LY75: variants seen among roughly 807,000 people sequenced by gnomAD.
The protein encoded by LY75 is C-type lectin domain family 13 member B.
Under a neutral mutation model 231.7 loss-of-function variants are expected in LY75, and 185 were observed. The observed-to-expected ratio is 0.80, with a 90% CI of 0.71 to 0.90. LY75 has a LOEUF of 0.90. LY75 is among the 40% of genes least tolerant of loss of function. The pLI is 0.00. For missense variants in LY75, 1,947 were observed against 2,050.2 expected, an observed-to-expected ratio of 0.95 and a Z score of 0.97; for synonymous variants, 668 against 689.0, an observed-to-expected ratio of 0.97 and a Z score of 0.48.
chr2:159,832,668 G>GT (rs920485974), intron 27 of LY75, among the ~76,000 whole-genome samples: 1 of 152,224 alleles, frequency 6.6e-6, no homozygotes, highest in African/African-American at 2.4e-5. Flanking sequence ...GTTTATGCCA[G>GT]TATTTCTTAA....
intron 25 of LY75, 125 bp downstream of exon 25, chr2:159,840,604 T>G: frequency 2.0e-5 from 28 of 1,412,244 alleles, no homozygotes; most frequent in East Asian, 7.4e-5. Context: ...ACATATTCCA[T>G]GAAATTTACT....
rs764790066 is a variant in LY75, at chr2:159,853,658, C to T, written c.2635G>A (p.Glu879Lys). The T allele has an allele frequency of 1.7e-5, 28 of 1,613,340 alleles. No homozygotes were observed. Among genetic ancestry groups the T allele is most frequent in the Middle Eastern group, 1.6e-4 (1 of 6,078 alleles). ...DGQKWWIRIS[E>K]WPIDDHFTYS... ...GTAAAATGATCATCTATTGGCCACT[C>T]GCTAATTCTTATCCACCACTTCTGT... Residue 879 changes from glutamate (E) to lysine (K), a missense_variant, in exon 19 of 35, where the codon GAG (glutamate) becomes AAG (lysine). Transcript: ENST00000263636.
At chr2:159,875,773 AG>A in intron 11 of LY75, 130 bp from the exon 12 acceptor site, 1 of 1,124,748 alleles carries the variant, frequency 8.9e-7, no homozygotes, top group Non-Finnish European at 1.2e-6. Flanking sequence ...AAGAGAGGAA[AG>A]AAATATGTTG....
rs186146985 is a variant in LY75, at chr2:159,885,054, G to A, written c.1054+99C>T. The A allele has an allele frequency of 2.3e-5, 35 of 1,496,824 alleles. No individual in the cohort carries two copies. In the African/African-American group the frequency reaches 3.9e-4, roughly 16 times the overall value. The allele number at this position is 1,496,824 out of a possible 1,614,324, so 92.7% of individuals were successfully genotyped here. ...TCTGTACTGTCAGTATCAGGAGAAG[G>A]AAAGGTGGAAACGGATGTTGGAAAA... On this transcript the variant is annotated intron_variant, in intron 6 of 34. Transcript: ENST00000263636.
In LY75 at chr2:159,858,399, A is replaced by T. The variant is rs770410276; in HGVS notation, c.2346T>A (p.Cys782Ter). 3.1e-6 allele frequency: 5 copies of T among 1,613,768 alleles called. No homozygotes were observed. In the Admixed American group the frequency reaches 8.3e-5, roughly 27 times the overall value. The change falls in exon 16 of 35, where the codon TGT (cysteine) becomes TGA (stop). Residue 782 changes from cysteine (C) to a stop codon, truncating the protein, a stop_gained. Transcript: ENST00000263636. LOFTEE classifies it high-confidence loss of function. ...GGCACACCCATTCAAGTTTTGTATC[A>T]CAAGCAAAAGGCCTCAAATAAATAA... Reference protein sequence around the residue: ...REFIYLRPFACDTKLEWVCQI... With the variant: ...REFIYLRPFA
At chr2:159,878,872 G>A in intron 9 of LY75, 151 bp from the exon 10 acceptor site, 1 of 836,368 alleles carries the variant, frequency 1.2e-6, no homozygotes, top group South Asian at 1.7e-5. Context: ...AGGGTGGGAT[G>A]CAATTTCACA....
intron 16 of LY75, among the ~76,000 whole-genome samples, chr2:159,856,524 A>G (rs986102565): frequency 1.3e-5 from 2 of 152,214 alleles, no homozygotes; most frequent in African/African-American, 4.8e-5. Context: ...CTAATAACCA[A>G]GAAAATATCC....
At chr2:159,823,673 G>GA (rs1683370425) in intron 28 of LY75, among the ~76,000 whole-genome samples, 1 of 152,072 alleles carries the variant, frequency 6.6e-6, no homozygotes, top group Non-Finnish European at 1.5e-5. Flanking sequence ...TGAAATGAAG[G>GA]AAAAAATGTT....
chr2:159,823,679 A>C (rs1683370550), intron 28 of LY75, among the ~76,000 whole-genome samples: 2 of 152,226 alleles, frequency 1.3e-5, no homozygotes. Flanking sequence ...GAAGGAAAAA[A>C]TGTTAAGAAC....
chr2:159,815,284 A>C (rs1335781293), intron 31 of LY75, 121 bp downstream of exon 31: 1 of 1,284,440 alleles, frequency 7.8e-7, no homozygotes, highest in African/African-American at 1.5e-5. Context: ...TACAGGCGCG[A>C]GCCACTGCGC....
At chr2:159,856,030 A>C (rs1474462146) in intron 16 of LY75, among the ~76,000 whole-genome samples, 2 of 152,176 alleles carry the variant, frequency 1.3e-5, no homozygotes, top group African/African-American at 2.4e-5. Flanking sequence ...CAAAATGTAC[A>C]TAGTTTCTTG....
intron 23 of LY75, among the ~76,000 whole-genome samples, chr2:159,845,819 G>A (rs1354449463): frequency 1.3e-5 from 2 of 151,358 alleles, no homozygotes; most frequent in Admixed American, 1.3e-4. Context: ...TTATGTATAT[G>A]AGAAATATTT....
intron 23 of LY75, among the ~76,000 whole-genome samples, chr2:159,846,953 T>C (rs531417267): frequency 6.6e-6 from 1 of 152,310 alleles, no homozygotes; most frequent in African/African-American, 2.4e-5. Flanking sequence ...AACTACCAAA[T>C]TAAGAAGAAT....
intron 23 of LY75, 46 bp from the exon 24 acceptor site, chr2:159,842,420 C>T (rs765932254): frequency 3.2e-6 from 5 of 1,556,704 alleles, no homozygotes; most frequent in Non-Finnish European, 4.4e-6. Flanking sequence ...TAACAATGGT[C>T]TGAAGCTCCT....
chr2:159,869,573 C>T (rs371060671), intron 13 of LY75, among the ~76,000 whole-genome samples: 3 of 152,130 alleles, frequency 2.0e-5, no homozygotes, highest in East Asian at 1.9e-4. Flanking sequence ...CTTGCGAGGC[C>T]GCAGCCTGTA....
At chr2:159,863,973 G>A (rs919180463) in intron 14 of LY75, among the ~76,000 whole-genome samples, 5 of 152,164 alleles carry the variant, frequency 3.3e-5, no homozygotes, top group African/African-American at 1.2e-4. Context: ...TAGCCTAGGA[G>A]CAATATAAAG....
chr2:159,851,159 A>G (rs1684389979), intron 21 of LY75, among the ~76,000 whole-genome samples: 1 of 152,132 alleles, frequency 6.6e-6, no homozygotes, highest in Admixed American at 6.6e-5. Context: ...CAGCTATGCA[A>G]ATTAACACAG....
intron 31 of LY75, among the ~76,000 whole-genome samples, chr2:159,813,058 G>A (rs1199670664): frequency 3.9e-5 from 6 of 152,050 alleles, no homozygotes; most frequent in African/African-American, 7.2e-5. Context: ...TTATCCATTC[G>A]TCCATCCATG....
intron 6 of LY75, among the ~76,000 whole-genome samples, chr2:159,883,686 A>C (rs935347600): frequency 2.0e-5 from 3 of 152,150 alleles, no homozygotes; most frequent in Non-Finnish European, 2.9e-5. Flanking sequence ...TCTATCATCA[A>C]TTGCTCTAGT....
Sources: allele counts gnomAD v4.1 joint callset (sites outside exome capture counted in the v4.1 genomes callset), GRCh38; gene constraint gnomAD v4.1.1; transcripts MANE v1.5; gene names NCBI Gene and HGNC (gene_info 2026-07-23, HGNC 2026-07-21).